The following SGCD variants were observed in gnomAD, a reference collection of about 807,000 sequenced individuals.
The protein encoded by SGCD is delta-sarcoglycan.
A neutral mutation model predicts 36.6 loss-of-function variants in SGCD; 18 were observed. The ratio of observed to expected loss-of-function variants is 0.49; its 90% confidence interval spans 0.34 to 0.73. The LOEUF (loss-of-function observed/expected upper bound fraction) is 0.73, where lower values mean the gene tolerates loss of function less well. SGCD is among the 30% of genes least tolerant of loss of function. The pLI is 0.01. For missense variants in SGCD, 387 were observed against 346.7 expected (o/e 1.12, Z -0.92); for synonymous variants, 133 against 130.6 (o/e 1.02, Z -0.12).
chr5:156,496,577 A>G (rs1406746107), intron 3 of SGCD, among the ~76,000 whole-genome samples: 2 of 152,164 alleles, frequency 1.3e-5, no homozygotes, highest in African/African-American at 4.8e-5. Flanking sequence ...GGGGATTATG[A>G]CATGAGATTA....
the SGCD span, among the ~76,000 whole-genome samples, chr5:155,846,342 G>A: frequency 6.6e-6 from 1 of 152,212 alleles, no homozygotes; most frequent in Non-Finnish European, 1.5e-5. Flanking sequence ...CCTCTTTGCA[G>A]TGGTTTCCTT....
At position 156,013,732 on chromosome 5, in the gene SGCD, A is replaced by G. The variant is rs1039401666; in HGVS notation, c.-281-104146A>G. Among the ~76,000 whole-genome samples the G allele has an allele frequency of 1.1e-4, 17 of 152,224 alleles. No individual in the cohort carries two copies. The South Asian group carries it at 3.1e-3, about 28-fold the overall frequency. ...TGTTAAGGTTAACGTTTTATCTTCC[A>G]TAACTGATATGAATATTTTTTCTAA... On this transcript the variant is annotated intron_variant, in intron 1 of 9. Coordinates refer to the SGCD transcript ENST00000517913.
intron 3 of SGCD, among the ~76,000 whole-genome samples, chr5:156,350,554 A>G (rs914618222): frequency 4.6e-5 from 7 of 152,214 alleles, no homozygotes; most frequent in Middle Eastern, 3.4e-3. Flanking sequence ...CAAGCATCTT[A>G]CCAAGTTTTC....
At chr5:156,065,581 G>A (rs1322837628) in intron 1 of SGCD, among the ~76,000 whole-genome samples, 1 of 25,552 alleles carries the variant, frequency 3.9e-5, no homozygotes, top group East Asian at 1.0e-3. Flanking sequence ...AAGTCTCTTT[G>A]TAGGTCACTG....
intron 7 of SGCD, among the ~76,000 whole-genome samples, chr5:156,709,977 C>T (rs912750266): frequency 6.6e-5 from 10 of 151,912 alleles, no homozygotes; most frequent in Admixed American, 1.3e-4. Context: ...TGAAAAGCAC[C>T]GAGAAAGAGA....
At chr5:156,488,833 C>T (rs1755817177) in intron 3 of SGCD, among the ~76,000 whole-genome samples, 1 of 152,074 alleles carries the variant, frequency 6.6e-6, no homozygotes, top group Non-Finnish European at 1.5e-5. Context: ...CAAAGTGTAT[C>T]CAAAGCCAGA....
In SGCD at chr5:156,761,691, A is replaced by C. The variant is rs1757503021; in HGVS notation, c.*2301A>C. ...TTCATTAATCTTTAGATGACAAAAA[A>C]GCAAAAAGTTCCCAGAACGTTTTTG... On this transcript the variant is annotated 3_prime_UTR_variant, in exon 9 of 9. Coordinates refer to ENST00000337851, the MANE Select transcript of SGCD (RefSeq NM_000337.6). 2.6e-5 allele frequency: 4 copies of C among 152,204 alleles called. No homozygotes were observed. In the South Asian group the frequency reaches 8.3e-4, roughly 32 times the overall value. 9.4% of individuals were successfully genotyped at this position (152,204 alleles called of 1,614,324 possible). A position where few individuals can be genotyped will look rare whatever the true frequency, so the allele number is the denominator to read the frequency against.
At chr5:156,468,755 G>A (rs1426156509) in intron 3 of SGCD, among the ~76,000 whole-genome samples, 1 of 152,182 alleles carries the variant, frequency 6.6e-6, no homozygotes, top group Non-Finnish European at 1.5e-5. Context: ...ACTTTGGGAG[G>A]CCAAGATGGG....
intron 1 of SGCD, among the ~76,000 whole-genome samples, chr5:156,038,344 C>T (rs1759549898): frequency 6.6e-6 from 1 of 151,846 alleles, no homozygotes; most frequent in Non-Finnish European, 1.5e-5. Context: ...GGAGACCTGA[C>T]AACTAATTGC....
intron 1 of SGCD, among the ~76,000 whole-genome samples, chr5:156,069,161 C>T (rs1440183647): frequency 6.6e-6 from 1 of 152,056 alleles, no homozygotes; most frequent in African/African-American, 2.4e-5. Flanking sequence ...GCTTTTGTTG[C>T]CATTGCTTTT....
intron 3 of SGCD, among the ~76,000 whole-genome samples, chr5:156,403,858 G>A (rs1308730535): frequency 1.4e-5 from 2 of 147,820 alleles, no homozygotes. Flanking sequence ...TTTTTGAGAT[G>A]GAGGCTCACT....
intron 3 of SGCD, among the ~76,000 whole-genome samples, chr5:156,203,334 A>G (rs926129097): frequency 1.3e-5 from 2 of 152,162 alleles, no homozygotes; most frequent in African/African-American, 2.4e-5. Flanking sequence ...AGACCACAAC[A>G]TAACAGTATT....
intron 3 of SGCD, among the ~76,000 whole-genome samples, chr5:156,224,182 G>A (rs1233015705): frequency 6.6e-6 from 1 of 151,948 alleles, no homozygotes; most frequent in Non-Finnish European, 1.5e-5. Context: ...GAGGTGCAGG[G>A]AGATAGAGAG....
intron 4 of SGCD, among the ~76,000 whole-genome samples, chr5:156,513,521 C>T (rs1161679307): frequency 6.6e-6 from 1 of 152,192 alleles, no homozygotes; most frequent in Non-Finnish European, 1.5e-5. Flanking sequence ...TCACCTTCTG[C>T]TTTTCCTATT....
the SGCD span, among the ~76,000 whole-genome samples, chr5:155,810,687 T>C: frequency 1.3e-5 from 2 of 151,298 alleles, no homozygotes; most frequent in Non-Finnish European, 2.9e-5. Flanking sequence ...AAAGTAGATA[T>C]CTGAAAACTT....
chr5:156,175,909 TACCTAAATAAGCATACATGC>T (rs975106803), intron 3 of SGCD, among the ~76,000 whole-genome samples: 1 of 152,092 alleles, frequency 6.6e-6, no homozygotes, highest in African/African-American at 2.4e-5. Context: ...GACACATTCT[TACCTAAATAAGCATACATGC>T]GGCTATTTTT....
At chr5:155,793,791 C>T in the SGCD span, among the ~76,000 whole-genome samples, 4 of 151,876 alleles carry the variant, frequency 2.6e-5, no homozygotes, top group South Asian at 2.1e-4. Context: ...TCAGGCAATC[C>T]GCCTGTCTCA....
intron 3 of SGCD, among the ~76,000 whole-genome samples, chr5:156,289,189 T>C (rs141714700): frequency 3.0e-4 from 45 of 152,266 alleles, no homozygotes; most frequent in Admixed American, 6.5e-4. Context: ...ATAGCACACA[T>C]TGGATACAAA....
chr5:156,257,140 T>G (rs950633925), intron 3 of SGCD, among the ~76,000 whole-genome samples: 1 of 150,532 alleles, frequency 6.6e-6, no homozygotes, highest in African/African-American at 2.5e-5. Context: ...CATACCACTG[T>G]ACTCCAGCCT....
Sources: allele counts gnomAD v4.1 joint callset (sites outside exome capture counted in the v4.1 genomes callset), GRCh38; gene constraint gnomAD v4.1.1; transcripts MANE v1.5; gene names NCBI Gene and HGNC (gene_info 2026-07-23, HGNC 2026-07-21).